The following CNTLN variants were observed in gnomAD, a reference collection of about 807,000 sequenced individuals.
CNTLN encodes centlein.
A neutral mutation model predicts 180.0 loss-of-function variants in CNTLN; 212 were observed. The observed-to-expected ratio is 1.18, with a 90% CI of 1.05 to 1.32. The LOEUF (loss-of-function observed/expected upper bound fraction) is 1.32. Among genes scored for constraint, CNTLN ranks in the 40% most tolerant of loss-of-function variants. The pLI is 0.00. For synonymous variants in CNTLN, 722 were observed against 563.1 expected, an observed-to-expected ratio of 1.28 and a Z score of -3.99; for missense variants, 2,095 against 1,610.9, an observed-to-expected ratio of 1.30 and a Z score of -5.14.
chr9:17,153,243 A>C (rs1174492365), intron 2 of CNTLN, among the ~76,000 whole-genome samples: 2 of 152,160 alleles, frequency 1.3e-5, no homozygotes, highest in Admixed American at 1.3e-4. Flanking sequence ...CAGTTTCTTC[A>C]TAGTGTCAAT....
Position 17,254,460 on chromosome 9 carries a change from G to T in CNTLN, c.849+17872G>T, listed in dbSNP as rs1481936202. Among the ~76,000 whole-genome samples the T allele has an allele frequency of 2.5e-3, 353 of 143,402 alleles. 2 individuals are homozygous for T. Among genetic ancestry groups the T allele is most frequent in the African/African-American group, 8.6e-3 (339 of 39,558 alleles). 94.1% of individuals were successfully genotyped at this position (143,402 alleles called of 152,430 possible). ...ATTTTGGTCTTTAATCCATTTGGAG[G>T]TTTTTTTTTTTTCTTTTGTGTGTAT... On this transcript the variant is annotated intron_variant, in intron 5 of 25. Transcript: ENST00000380647.
chr9:17,363,860 C>T (rs375330173), intron 12 of CNTLN, among the ~76,000 whole-genome samples: 1 of 152,006 alleles, frequency 6.6e-6, no homozygotes, highest in East Asian at 1.9e-4. Flanking sequence ...ACATTTTCTT[C>T]TTAAAATATA....
At chr9:17,251,787 G>T (rs1413645206) in intron 5 of CNTLN, among the ~76,000 whole-genome samples, 1 of 151,768 alleles carries the variant, frequency 6.6e-6, no homozygotes, top group Admixed American at 6.6e-5. Flanking sequence ...ATGTGACGTT[G>T]TTCCCAAGTA....
chr9:17,410,106 T>A (rs1161631739), intron 16 of CNTLN, among the ~76,000 whole-genome samples: 1 of 152,160 alleles, frequency 6.6e-6, no homozygotes, highest in African/African-American at 2.4e-5. Context: ...AAAGGTCTTC[T>A]TTAGTTACTA....
chr9:17,249,466 A>C (rs1826006873), intron 5 of CNTLN, among the ~76,000 whole-genome samples: 1 of 149,336 alleles, frequency 6.7e-6, no homozygotes, highest in South Asian at 2.1e-4. Context: ...CTCCTGCTTC[A>C]GCCTCCCGAG....
chr9:17,372,489 C>A (rs1824407928), intron 13 of CNTLN, among the ~76,000 whole-genome samples: 1 of 152,062 alleles, frequency 6.6e-6, no homozygotes, highest in African/African-American at 2.4e-5. Flanking sequence ...AATGCAGAGG[C>A]TCCCAGCAAA....
chr9:17,471,647 A>G (rs1372220395), intron 23 of CNTLN, among the ~76,000 whole-genome samples: 1 of 152,052 alleles, frequency 6.6e-6, no homozygotes, highest in African/African-American at 2.4e-5. Flanking sequence ...TATTCCACTG[A>G]TATGTGTAGA....
chr9:17,142,942 C>T (rs920900518), intron 1 of CNTLN, among the ~76,000 whole-genome samples: 8 of 152,072 alleles, frequency 5.3e-5, no homozygotes, highest in African/African-American at 1.7e-4. Context: ...AGGAAACAGA[C>T]ATAGTAATTA....
chr9:17,365,291 C>G (rs1426335959), intron 12 of CNTLN, among the ~76,000 whole-genome samples: 1 of 152,180 alleles, frequency 6.6e-6, no homozygotes, highest in Non-Finnish European at 1.5e-5. Context: ...CCATGTAAGA[C>G]CTGCCTGCTT....
At chr9:17,332,467 C>T in intron 9 of CNTLN, 138 bp from the exon 10 acceptor site, 1 of 726,658 alleles carries the variant, frequency 1.4e-6, no homozygotes, top group Middle Eastern at 3.8e-4. Flanking sequence ...CTTGTTATTT[C>T]TCTGGTATTC....
chr9:17,247,818 G>T, intron 5 of CNTLN, among the ~76,000 whole-genome samples: 1 of 141,822 alleles, frequency 7.1e-6, no homozygotes, highest in Non-Finnish European at 1.5e-5. Context: ...ATGATCATGT[G>T]GTTTCTCTGT....
chr9:17,353,805 A>G (rs934567632), intron 12 of CNTLN, among the ~76,000 whole-genome samples: 2 of 151,466 alleles, frequency 1.3e-5, no homozygotes, highest in African/African-American at 4.9e-5. Flanking sequence ...TGCTCTCCGC[A>G]CCTCCTCTAC....
chr9:17,166,538 A>C (rs1362624855), intron 2 of CNTLN, among the ~76,000 whole-genome samples: 1 of 152,182 alleles, frequency 6.6e-6, no homozygotes, highest in Non-Finnish European at 1.5e-5. Context: ...ATTGCAAGGC[A>C]CATTATTATG....
intron 16 of CNTLN, among the ~76,000 whole-genome samples, chr9:17,411,880 A>G (rs763190241): frequency 2.6e-5 from 4 of 152,062 alleles, no homozygotes; most frequent in Non-Finnish European, 5.9e-5. Context: ...CCTCCTTTCC[A>G]TGTCATTGGA....
chr9:17,257,378 G>T (rs1826586157), intron 5 of CNTLN, among the ~76,000 whole-genome samples: 1 of 152,058 alleles, frequency 6.6e-6, no homozygotes, highest in Admixed American at 6.6e-5. Context: ...GTCTATCATT[G>T]TTGGACATTT....
chr9:17,250,849 C>G (rs1355545506), intron 5 of CNTLN, among the ~76,000 whole-genome samples: 3 of 151,950 alleles, frequency 2.0e-5, no homozygotes, highest in African/African-American at 7.2e-5. Flanking sequence ...TACTAGAAGT[C>G]TTTATTTCTT....
At position 17,205,785 on chromosome 9, in the gene CNTLN, A is replaced by G. The variant is rs554542059; in HGVS notation, c.450-20418A>G. ...TGGGAAGATATCTGAATCCTGCTGC[A>G]TGCTACCATTATCACTGTTTTCCAT... On this transcript the variant is annotated intron_variant, in intron 2 of 25. Coordinates refer to ENST00000380647, the MANE Select transcript of CNTLN (RefSeq NM_017738.4). Among the ~76,000 whole-genome samples, 13 of 152,328 alleles carry G rather than the reference A, an allele frequency of 8.5e-5. No individual in the cohort carries two copies. In the South Asian group the frequency reaches 2.7e-3, roughly 32 times the overall value.
At chr9:17,230,185 G>C (rs1230424096) in intron 3 of CNTLN, among the ~76,000 whole-genome samples, 5 of 152,168 alleles carry the variant, frequency 3.3e-5, no homozygotes. Context: ...ATTTGCACTT[G>C]TGATTGGCTG....
At chr9:17,136,101 A>G (rs1404633000) in intron 1 of CNTLN, among the ~76,000 whole-genome samples, 1 of 152,152 alleles carries the variant, frequency 6.6e-6, no homozygotes. Flanking sequence ...CTGTTTGTAG[A>G]GTTTTTGTAA....
Sources: gnomAD v4.1 joint callset for allele counts (sites outside exome capture counted in the v4.1 genomes callset) on GRCh38, gnomAD v4.1.1 for gene constraint, MANE v1.5 for transcripts, NCBI Gene and HGNC (gene_info 2026-07-23, HGNC 2026-07-21) for gene names.